The following ALG5 variants were observed in gnomAD, a reference collection of about 807,000 sequenced individuals.
The protein encoded by ALG5 is ALG5 dolichyl-phosphate beta-glucosyltransferase, also known as dolichyl-phosphate beta-glucosyltransferase.
In ALG5, 26 loss-of-function variants were observed where a neutral mutation model predicts 51.8. That is an observed-to-expected ratio of 0.50 (90% CI 0.37 to 0.70). ALG5 has a LOEUF of 0.70. Among genes scored for constraint, ALG5 ranks in the 30% least tolerant of loss-of-function variants. The probability of loss-of-function intolerance (pLI) is 0.00; values close to 1 mark genes in which losing one functional copy is unlikely to be tolerated. For missense variants in ALG5, 311 were observed against 399.3 expected, an observed-to-expected ratio of 0.78 and a Z score of 1.88; for synonymous variants, 141 against 136.1, an observed-to-expected ratio of 1.04 and a Z score of -0.25.
At chr13:36,987,209 T>C (rs979794535) in intron 5 of ALG5, among the ~76,000 whole-genome samples, 5 of 152,194 alleles carry the variant, frequency 3.3e-5, no homozygotes, top group African/African-American at 1.2e-4. Flanking sequence ...AAACTTAACA[T>C]GGCTCAAACT....
chr13:36,991,702 G>A lies in ALG5; in HGVS notation c.354+1902C>T, dbSNP rs527722339. On this transcript the variant is annotated intron_variant, in intron 4 of 9. Coordinates refer to ENST00000239891, the MANE Select transcript of ALG5 (RefSeq NM_013338.5). ...TGGGTGTGGGCTTTAGTAGAGGGAGGGGTGAGGACTTCTGATAAAGATTTT... is the reference window on the plus strand; with the variant it reads ...TGGGTGTGGGCTTTAGTAGAGGGAGAGGTGAGGACTTCTGATAAAGATTTT... Among the ~76,000 whole-genome samples, 5 of 152,294 alleles carry A rather than the reference G, an allele frequency of 3.3e-5. No individual in the cohort carries two copies. In the East Asian group the frequency reaches 9.6e-4, roughly 29 times the overall value.
At chr13:36,963,143 G>T (rs1299023586) in intron 8 of ALG5, among the ~76,000 whole-genome samples, 1 of 152,084 alleles carries the variant, frequency 6.6e-6, no homozygotes, top group Non-Finnish European at 1.5e-5. Flanking sequence ...TGGAGACAGG[G>T]TCTTGCTATG....
intron 8 of ALG5, among the ~76,000 whole-genome samples, chr13:36,958,462 T>G (rs2058850632): frequency 6.6e-6 from 1 of 152,130 alleles, no homozygotes; most frequent in Admixed American, 6.5e-5. Context: ...CCAGATGCAG[T>G]GCATGACTAA....
intron 6 of ALG5, among the ~76,000 whole-genome samples, chr13:36,984,962 G>A (rs571953598): frequency 2.6e-5 from 4 of 152,216 alleles, no homozygotes; most frequent in East Asian, 1.9e-4. Context: ...AAATTCTGAC[G>A]TATTGTGTGG....
chr13:36,970,144 C>T (rs1205087579), intron 7 of ALG5, among the ~76,000 whole-genome samples: 1 of 151,352 alleles, frequency 6.6e-6, no homozygotes, highest in Non-Finnish European at 1.5e-5. Context: ...TTTCTTATCC[C>T]CCGTGCGTTG....
At position 36,958,994 on chromosome 13, in the gene ALG5, T is replaced by TA. The variant is rs869205338; in HGVS notation, c.774-6396dup. Among the ~76,000 whole-genome samples, 100 of 140,118 alleles carry TA rather than the reference T, an allele frequency of 7.1e-4. 2 individuals are homozygous for TA. The highest frequency in any genetic ancestry group is 1.4e-3 in the East Asian group (7 of 4,850). The allele number at this position is 140,118 out of a possible 152,430, so 91.9% of individuals were successfully genotyped here. ...TCTTGCAACTGCAAACAAAATAAAATAAAAAAAAAAAGAAATATTATTCAG... is the reference window on the plus strand; with the variant it reads ...TCTTGCAACTGCAAACAAAATAAAATAAAAAAAAAAAAGAAATATTATTCAG... On this transcript the variant is annotated intron_variant, in intron 8 of 9. Transcript: ENST00000239891.
At chr13:36,971,897 G>A in intron 7 of ALG5, 80 bp downstream of exon 7, 1 of 1,118,666 alleles carries the variant, frequency 8.9e-7, no homozygotes, top group Non-Finnish European at 1.3e-6. Context: ...ATAAAAGCCA[G>A]TTTCTTGCCA....
intron 8 of ALG5, among the ~76,000 whole-genome samples, chr13:36,956,586 G>A (rs1478650176): frequency 6.6e-6 from 1 of 152,190 alleles, no homozygotes; most frequent in Non-Finnish European, 1.5e-5. Flanking sequence ...CTAAGGGTCT[G>A]TCAACAGAAA....
intron 7 of ALG5, among the ~76,000 whole-genome samples, chr13:36,966,905 A>G (rs2058896485): frequency 6.6e-6 from 1 of 152,144 alleles, no homozygotes; most frequent in East Asian, 1.9e-4. Flanking sequence ...ACAGAACCAC[A>G]GTGGAACAGA....
At chr13:36,977,891 ATT>A (rs201741282) in intron 6 of ALG5, among the ~76,000 whole-genome samples, 7 of 127,980 alleles carry the variant, frequency 5.5e-5, no homozygotes, top group Admixed American at 1.7e-4. Context: ...CTTTCTCAGT[ATT>A]TTTTTTTTTT....
At chr13:36,971,228 T>C (rs1042480557) in intron 7 of ALG5, among the ~76,000 whole-genome samples, 3 of 152,068 alleles carry the variant, frequency 2.0e-5, no homozygotes, top group African/African-American at 7.3e-5. Flanking sequence ...TTTTAAGGTA[T>C]AGTGATAGTG....
intron 6 of ALG5, among the ~76,000 whole-genome samples, chr13:36,976,361 G>A (rs991356901): frequency 2.0e-5 from 3 of 148,150 alleles, no homozygotes; most frequent in African/African-American, 7.5e-5. Context: ...GGGAGGTGGA[G>A]GTTGCAGTGA....
chr13:36,995,709 A>C, intron 1 of ALG5, 113 bp from the exon 2 acceptor site: 1 of 1,019,762 alleles, frequency 9.8e-7, no homozygotes, highest in Non-Finnish European at 1.4e-6. Flanking sequence ...ACTCACTCTC[A>C]GGTTTTAGTT....
chr13:36,997,586 G>A (rs1255727331), intron 1 of ALG5, among the ~76,000 whole-genome samples: 2 of 151,996 alleles, frequency 1.3e-5, no homozygotes, highest in Non-Finnish European at 2.9e-5. Flanking sequence ...TTTGGATCCT[G>A]ATTGGAACAA....
At chr13:36,961,340 A>T (rs1173219269) in intron 8 of ALG5, among the ~76,000 whole-genome samples, 4 of 152,178 alleles carry the variant, frequency 2.6e-5, no homozygotes, top group Non-Finnish European at 5.9e-5. Flanking sequence ...GCCTAAGGCC[A>T]GAAGGCAGAG....
chr13:36,969,418 T>C (rs939009057), intron 7 of ALG5, among the ~76,000 whole-genome samples: 1 of 2,016 alleles, frequency 5.0e-4, no homozygotes, highest in African/African-American at 7.7e-3. Context: ...ATTAATATAT[T>C]TTAAAAAAAA....
At chr13:36,967,568 A>T in intron 7 of ALG5, 1 of 243,922 alleles carries the variant, frequency 4.1e-6, no homozygotes, top group South Asian at 5.1e-5. Flanking sequence ...GAAGAATAAA[A>T]TACTTATCTA....
upstream of ALG5, chr13:36,999,365 C>A: frequency 2.2e-6 from 3 of 1,388,398 alleles, no homozygotes; most frequent in Non-Finnish European, 2.8e-6. Context: ...GCCCGCGCGA[C>A]CCGGCCCCGC....
In ALG5 at chr13:36,978,476, T is replaced by G. The variant is rs149431350; in HGVS notation, c.562-6440A>C. On this transcript the variant is annotated intron_variant, in intron 6 of 9. Transcript: ENST00000239891. ...TGCTGGGATTACAGGCGTGAGCCAC[T>G]GTGCCCGGTCCTCAGTACTTTTTAA... 4.0e-3 allele frequency among the ~76,000 whole-genome samples: 601 copies of G among 151,962 alleles called. 5 individuals are homozygous for G. The highest frequency in any genetic ancestry group is 0.014 in the African/African-American group (579 of 41,498).
Sources: allele counts gnomAD v4.1 joint callset (sites outside exome capture counted in the v4.1 genomes callset), GRCh38; gene constraint gnomAD v4.1.1; transcripts MANE v1.5; gene names NCBI Gene and HGNC (gene_info 2026-07-23, HGNC 2026-07-21).